ASCC2: variants seen among roughly 807,000 people sequenced by gnomAD.
ASCC2 encodes the protein activating signal cointegrator 1 complex subunit 2.
ASCC2 carries 42 observed loss-of-function variants against 93.5 expected under a neutral mutation model. The observed-to-expected ratio is 0.45, with a 90% CI of 0.35 to 0.58. ASCC2 has a LOEUF of 0.58. Ranked by LOEUF, ASCC2 falls within the 20% of genes least tolerant of loss-of-function variation. The probability of loss-of-function intolerance (pLI) is 0.00; values close to 1 mark genes in which losing one functional copy is unlikely to be tolerated. For synonymous variants in ASCC2, 364 were observed against 384.2 expected, an observed-to-expected ratio of 0.95 and a Z score of 0.62; for missense variants, 859 against 977.6, an observed-to-expected ratio of 0.88 and a Z score of 1.62.
At position 29,806,548 on chromosome 22, in the gene ASCC2, T is replaced by C; in HGVS notation, c.1022A>G (p.Asp341Gly). 1 of 1,613,480 alleles carries C rather than the reference T, an allele frequency of 6.2e-7. No individual in the cohort carries two copies. The highest frequency in any genetic ancestry group is 8.5e-7 in the Non-Finnish European group (1 of 1,179,662). Residue 341 changes from aspartate to glycine, a missense_variant, in exon 11 of 20, where the codon GAC becomes GGC. By Grantham distance (94) the Asp-to-Gly change is moderately conservative. Transcript: ENST00000307790. ...CTCTTCGATGAAGCCCTGAATGTTG[T>C]CACAGCTAGAACAAGACACCAGGGA... Reference protein sequence around the residue: ...CLLPILESSCDNIQGFIEEFL... With the variant: ...CLLPILESSCGNIQGFIEEFL...
At chr22:29,807,844 G>A (rs5752963) in intron 9 of ASCC2, among the ~76,000 whole-genome samples, 7,823 of 152,104 alleles carry the variant, frequency 0.051, 458 homozygotes, top group South Asian at 0.25. Context: ...AGGAGGTCAA[G>A]GCTGCAGTGA....
intron 15 of ASCC2, among the ~76,000 whole-genome samples, chr22:29,796,409 T>C (rs759280746): frequency 2.0e-5 from 3 of 152,072 alleles, no homozygotes; most frequent in East Asian, 1.9e-4. Flanking sequence ...GTAGTGGAGA[T>C]GACAGACCAG....
rs757124680 is a variant in ASCC2 at position 29,789,144 on chromosome 22, G to A, written c.2143C>T (p.Arg715Ter). The change falls in exon 20 of 20, where the codon CGA becomes TGA. Residue 715 changes from arginine (R) to a stop codon, truncating the protein, a stop_gained. Transcript: ENST00000307790. LOFTEE classifies it high-confidence loss of function. ...GTCTCGCGGCTCTGCCCATGGCCTC[G>A]GGGGCTGCCGGCCACTGCTGTTGAG... ...DSSTAVAGSP[R>*]GHGQSRETTQ... The A allele has an allele frequency of 2.5e-6, 4 of 1,613,988 alleles. No homozygotes were observed. Among genetic ancestry groups the A allele is most frequent in the East Asian group, 2.2e-5 (1 of 44,890 alleles).
chr22:29,798,803 C>A (rs1056992881), intron 15 of ASCC2, among the ~76,000 whole-genome samples: 2 of 152,234 alleles, frequency 1.3e-5, no homozygotes, highest in African/African-American at 4.8e-5. Flanking sequence ...GTATCCAGCT[C>A]ACCCTGTTTC....
chr22:29,790,834 A>G (rs997548538), intron 18 of ASCC2, among the ~76,000 whole-genome samples: 17 of 152,308 alleles, frequency 1.1e-4, no homozygotes, highest in East Asian at 7.7e-4. Flanking sequence ...TGGCATAACA[A>G]TGACAAATGG....
chr22:29,832,931 G>C (rs1170663968), intron 1 of ASCC2, among the ~76,000 whole-genome samples: 3 of 152,014 alleles, frequency 2.0e-5, no homozygotes, highest in Non-Finnish European at 4.4e-5. Flanking sequence ...TGTAGAGACA[G>C]GTTTTATTTT....
At chr22:29,794,121 G>A (rs768691265) in intron 15 of ASCC2, among the ~76,000 whole-genome samples, 11 of 151,722 alleles carry the variant, frequency 7.3e-5, no homozygotes, top group Non-Finnish European at 1.5e-4. Flanking sequence ...CTGACCGCAA[G>A]TGATCCCCCC....
At position 29,788,904 on chromosome 22, in the gene ASCC2, T is replaced by G; in HGVS notation, c.*109A>C. On this transcript the variant is annotated 3_prime_UTR_variant, in exon 20 of 20. Transcript: ENST00000307790. ...CTCAGGGGCTGCAAAGCTGAGGCTG[T>G]TGAGGGGTTGAGTTGAACTTGGGGC... The G allele has an allele frequency of 5.2e-6, 7 of 1,348,762 alleles. No individual in the cohort carries two copies. The highest frequency in any genetic ancestry group is 1.3e-5 in the South Asian group (1 of 76,704). The allele number at this position is 1,348,762 out of a possible 1,614,324, so 83.5% of individuals were successfully genotyped here.
chr22:29,792,459 C>T lies in ASCC2; in HGVS notation c.1996G>A (p.Asp666Asn). The change falls in exon 18 of 20, where the codon GAC becomes AAC. Residue 666 changes from aspartate (D) to asparagine (N), a missense_variant. Physicochemically the swap from Asp to Asn is conservative, Grantham distance 23. Transcript: ENST00000307790. ...TTGGGAGCCTCCTCGTCAGCATCGT[C>T]TTCCTCATCGTCGTCATCCTCCTCC... ...GQEEDDDDEE[D>N]DADEEAPKPD... 6.2e-7 allele frequency: 1 copy of T among 1,614,062 alleles called. No homozygotes were observed. Among genetic ancestry groups the T allele is most frequent in the South Asian group, 1.1e-5 (1 of 91,090 alleles).
intron 1 of ASCC2, among the ~76,000 whole-genome samples, chr22:29,835,982 C>G (rs114212591): frequency 1.2e-4 from 19 of 152,176 alleles, no homozygotes; most frequent in African/African-American, 4.3e-4. Context: ...CAAGCATGAA[C>G]AAAGGCTCAG....
chr22:29,812,989 C>T (rs1297654389), intron 8 of ASCC2, among the ~76,000 whole-genome samples: 1 of 151,816 alleles, frequency 6.6e-6, no homozygotes, highest in Admixed American at 6.6e-5. Flanking sequence ...TCAAGTGATT[C>T]TCCTGTTTCA....
chr22:29,836,956 C>T lies in ASCC2; in HGVS notation c.-18+1222G>A, dbSNP rs2063871025. On this transcript the variant is annotated intron_variant, in intron 1 of 19. Coordinates refer to ENST00000307790, the MANE Select transcript of ASCC2 (RefSeq NM_032204.5). ...TCCTGCCCTTCACAGAGCTTACAGT[C>T]ATAATGGGGAAAGACAGATACTTTT... 3.9e-5 allele frequency among the ~76,000 whole-genome samples: 6 copies of T among 152,222 alleles called. No individual in the cohort carries two copies. The South Asian group carries it at 1.2e-3, about 31-fold the overall frequency.
At chr22:29,804,552 G>A in intron 13 of ASCC2, 86 bp downstream of exon 13, 1 of 1,508,514 alleles carries the variant, frequency 6.6e-7, no homozygotes, top group East Asian at 2.3e-5. Flanking sequence ...TAAAAGCAAA[G>A]AAGGGAGGTT....
intron 2 of ASCC2, among the ~76,000 whole-genome samples, 185 bp downstream of exon 2, chr22:29,832,060 A>G (rs2063218327): frequency 6.6e-6 from 1 of 152,086 alleles, no homozygotes; most frequent in Admixed American, 6.6e-5. Flanking sequence ...ATGCAAATTC[A>G]AGTTGCTGCT....
In ASCC2 at chr22:29,827,882, A is replaced by C. The variant is rs1452935719; in HGVS notation, c.82-2102T>G. On this transcript the variant is annotated intron_variant, in intron 2 of 19. Transcript: ENST00000307790. ...ACACACACACACACACACACACACC[A>C]GGCTACTCATTCTTCTGACACACAC... Among the ~76,000 whole-genome samples the C allele has an allele frequency of 5.7e-4, 50 of 88,222 alleles. 10 individuals are homozygous for C. The highest frequency in any genetic ancestry group is 1.0e-3 in the Non-Finnish European group (44 of 42,324). 57.9% of individuals were successfully genotyped at this position (88,222 alleles called of 152,430 possible). A position where few individuals can be genotyped will look rare whatever the true frequency, so the allele number is the denominator to read the frequency against.
chr22:29,800,710 G>A (rs928758257), intron 15 of ASCC2, among the ~76,000 whole-genome samples: 2 of 152,210 alleles, frequency 1.3e-5, no homozygotes, highest in African/African-American at 4.8e-5. Context: ...ATTAAAAGAT[G>A]TAAGAAGAAG....
intron 2 of ASCC2, among the ~76,000 whole-genome samples, chr22:29,829,399 C>A (rs2062838289): frequency 6.6e-6 from 1 of 152,144 alleles, no homozygotes; most frequent in Admixed American, 6.5e-5. Flanking sequence ...AGCAGACTTT[C>A]TGTACAGATC....
chr22:29,793,210 T>A, intron 17 of ASCC2, 150 bp downstream of exon 17: 1 of 1,052,012 alleles, frequency 9.5e-7, no homozygotes, highest in Admixed American at 2.3e-5. Flanking sequence ...CCATTCAGGG[T>A]GGGCTGGGGT....
chr22:29,799,579 T>C (rs1423872936), intron 15 of ASCC2, among the ~76,000 whole-genome samples: 1 of 152,122 alleles, frequency 6.6e-6, no homozygotes, highest in Admixed American at 6.6e-5. Context: ...GTCTCCTCCC[T>C]CTCTGAACCT....
Sources: gnomAD v4.1 joint callset for allele counts (sites outside exome capture counted in the v4.1 genomes callset) on GRCh38, gnomAD v4.1.1 for gene constraint, MANE v1.5 for transcripts, NCBI Gene and HGNC (gene_info 2026-07-23, HGNC 2026-07-21) for gene names.